The following SLC2A14 variants were observed in gnomAD, a reference collection of about 807,000 sequenced individuals.
SLC2A14 encodes solute carrier family 2 member 14, also known as solute carrier family 2, facilitated glucose transporter member 14.
A neutral mutation model predicts 43.0 loss-of-function variants in SLC2A14; 13 were observed. The observed-to-expected ratio is 0.30, with a 90% CI of 0.20 to 0.48. The LOEUF (loss-of-function observed/expected upper bound fraction) is 0.48. Among genes scored for constraint, SLC2A14 ranks in the 20% least tolerant of loss-of-function variants. SLC2A14 has a pLI of 0.99. For missense variants in SLC2A14, 428 were observed against 620.4 expected (o/e 0.69, Z 3.29); for synonymous variants, 190 against 233.8 (o/e 0.81, Z 1.71).
Position 7,812,852 on chromosome 12 carries a change from A to T in SLC2A14, c.*1464T>A, listed in dbSNP as rs1023758765. 2.0e-5 allele frequency: 3 copies of T among 152,174 alleles called. No individual in the cohort carries two copies. The highest frequency in any genetic ancestry group is 4.8e-5 in the African/African-American group (2 of 41,428). 9.4% of individuals were successfully genotyped at this position (152,174 alleles called of 1,614,324 possible). On this transcript the variant is annotated 3_prime_UTR_variant, in exon 11 of 11. Coordinates refer to ENST00000431042, the MANE Select transcript of SLC2A14 (RefSeq NM_001286234.2). ...AAAGGGAGACTGAGCAACATATGAAAAAGGGGCTGTAGGAACAAACACAGA... is the reference window on the plus strand; with the variant it reads ...AAAGGGAGACTGAGCAACATATGAATAAGGGGCTGTAGGAACAAACACAGA...
upstream of SLC2A14, among the ~76,000 whole-genome samples, chr12:7,874,776 T>C (rs1592324127): frequency 2.1e-5 from 1 of 47,148 alleles, no homozygotes; most frequent in African/African-American, 7.4e-5. Context: ...TATAAACATA[T>C]ATAAATATAT....
At chr12:7,839,725 A>T (rs1865763366) in intron 2 of SLC2A14, 1 of 402,206 alleles carries the variant, frequency 2.5e-6, no homozygotes, top group Admixed American at 3.3e-5. Context: ...ACCTTTTGGG[A>T]AGTGACTGAG....
chr12:7,815,019 C>T (rs1225415358), intron 10 of SLC2A14, among the ~76,000 whole-genome samples: 1 of 151,662 alleles, frequency 6.6e-6, no homozygotes, highest in Non-Finnish European at 1.5e-5. Context: ...AGGCTGGTCT[C>T]AAACTCCTGA....
chr12:7,824,809 C>CTGAT (rs924611136), intron 7 of SLC2A14, among the ~76,000 whole-genome samples: 8 of 150,878 alleles, frequency 5.3e-5, no homozygotes, highest in Admixed American at 2.0e-4. Flanking sequence ...ATGCATCAGA[C>CTGAT]TGATTGATTG....
At chr12:7,871,052 T>C (rs1945202170) in intron 1 of SLC2A14, 2 of 1,413,438 alleles carry the variant, frequency 1.4e-6, no homozygotes, top group South Asian at 1.2e-5. Flanking sequence ...AAGAACCCCA[T>C]GGATGAATAC....
At chr12:7,834,267 G>A (rs1865262367) in intron 2 of SLC2A14, among the ~76,000 whole-genome samples, 1 of 151,124 alleles carries the variant, frequency 6.6e-6, no homozygotes. Context: ...GTAGAGATGG[G>A]ATCTCACTGT....
At chr12:7,887,564 GA>G (rs1945707282) in intron 1 of SLC2A14, among the ~76,000 whole-genome samples, 1 of 14,630 alleles carries the variant, frequency 6.8e-5, no homozygotes, top group Non-Finnish European at 1.7e-4. Context: ...AAATCAGATA[GA>G]TAGATAGATA....
chr12:7,826,963 CTT>C (rs1314528068), intron 7 of SLC2A14, among the ~76,000 whole-genome samples: 8 of 91,382 alleles, frequency 8.8e-5, no homozygotes, highest in South Asian at 7.7e-4. Flanking sequence ...TCTTCTCTCT[CTT>C]TCTCTCTCTC....
At chr12:7,879,594 G>A (rs893307533) in intron 1 of SLC2A14, among the ~76,000 whole-genome samples, 5 of 152,096 alleles carry the variant, frequency 3.3e-5, no homozygotes, top group Non-Finnish European at 7.4e-5. Context: ...TAAGGCAGGA[G>A]AATCGCTTGA....
chr12:7,822,570 G>C (rs773153819), intron 7 of SLC2A14, among the ~76,000 whole-genome samples: 1 of 151,808 alleles, frequency 6.6e-6, no homozygotes, highest in East Asian at 2.0e-4. Context: ...TGGGGAGGCT[G>C]AGGCAGGAGA....
At chr12:7,881,575 C>A (rs1330541036) in intron 1 of SLC2A14, among the ~76,000 whole-genome samples, 1 of 152,150 alleles carries the variant, frequency 6.6e-6, no homozygotes, top group Non-Finnish European at 1.5e-5. Flanking sequence ...GCTCCACCTC[C>A]GTGGGCTCCT....
chr12:7,830,528 CAG>C (rs1398665517), intron 4 of SLC2A14, among the ~76,000 whole-genome samples: 4 of 152,044 alleles, frequency 2.6e-5, no homozygotes, highest in Non-Finnish European at 5.9e-5. Flanking sequence ...CCCAGCTACT[CAG>C]GGAGCTGAGG....
chr12:7,848,802 C>T (rs1592243006), intron 2 of SLC2A14, among the ~76,000 whole-genome samples: 2 of 151,764 alleles, frequency 1.3e-5, no homozygotes, highest in East Asian at 1.9e-4. Flanking sequence ...GTGATCCACC[C>T]GCTTCGACCT....
intron 2 of SLC2A14, among the ~76,000 whole-genome samples, chr12:7,851,090 G>C (rs781727332): frequency 3.3e-5 from 5 of 152,256 alleles, no homozygotes; most frequent in African/African-American, 4.8e-5. Context: ...TCCCTCACCT[G>C]TGTTTTTAGA....
chr12:7,884,742 T>C (rs763664413), intron 1 of SLC2A14, among the ~76,000 whole-genome samples: 6 of 152,194 alleles, frequency 3.9e-5, no homozygotes, highest in African/African-American at 1.2e-4. Flanking sequence ...GGGCTGTTAA[T>C]ATGCTGTTCC....
chr12:7,874,843 ATT>A (rs1376989688), upstream of SLC2A14, among the ~76,000 whole-genome samples: 19 of 86,536 alleles, frequency 2.2e-4, no homozygotes, highest in South Asian at 1.3e-3. Flanking sequence ...ATAAATACGT[ATT>A]TATATATAAA....
chr12:7,848,947 C>T (rs778803794), intron 2 of SLC2A14, among the ~76,000 whole-genome samples: 60 of 150,678 alleles, frequency 4.0e-4, no homozygotes, highest in African/African-American at 1.3e-3. Flanking sequence ...CTCCGCTTCC[C>T]GGGTTCAAGT....
chr12:7,876,829 G>A (rs767018122), upstream of SLC2A14, among the ~76,000 whole-genome samples: 1 of 152,006 alleles, frequency 6.6e-6, no homozygotes, highest in South Asian at 2.1e-4. Flanking sequence ...GGTGGCATAC[G>A]CCTGTAGTCC....
rs192283968 is a variant in SLC2A14, at chr12:7,886,686, G to A, written c.132+4310C>T. 3.3e-5 allele frequency among the ~76,000 whole-genome samples: 5 copies of A among 152,172 alleles called. No individual in the cohort carries two copies. The East Asian group carries it at 9.7e-4, about 29-fold the overall frequency. ...TAACTCTACCTCCCAGAGGAAGGAA[G>A]GAAGACTGTTAGTTGTGAATTAAAG... On this transcript the variant is annotated intron_variant, in intron 1 of 9. Coordinates refer to the SLC2A14 transcript ENST00000539924.
Sources: gnomAD v4.1 joint callset for allele counts (sites outside exome capture counted in the v4.1 genomes callset) on GRCh38, gnomAD v4.1.1 for gene constraint, MANE v1.5 for transcripts, NCBI Gene and HGNC (gene_info 2026-07-23, HGNC 2026-07-21) for gene names.